SHROOM4: variants seen among roughly 807,000 people sequenced by gnomAD.
The protein encoded by SHROOM4 is shroom family member 4.
SHROOM4 carries 17 observed loss-of-function variants against 80.3 expected under a neutral mutation model. That is an observed-to-expected ratio of 0.21 (90% CI 0.14 to 0.32). The LOEUF (loss-of-function observed/expected upper bound fraction) is 0.32. Among genes scored for constraint, SHROOM4 ranks in the 10% least tolerant of loss-of-function variants. The pLI is 1.00. For synonymous variants in SHROOM4, 400 were observed against 437.5 expected, an observed-to-expected ratio of 0.91 and a Z score of 1.07; for missense variants, 993 against 1,140.3, an observed-to-expected ratio of 0.87 and a Z score of 1.86.
chrX:50,631,995 G>A (rs1931090949), intron 4 of SHROOM4, among the ~76,000 whole-genome samples: 1 of 111,870 alleles, frequency 8.9e-6, no homozygotes, highest in Non-Finnish European at 1.9e-5. Context: ...TACTTCCAGT[G>A]AAATGCACAA....
At chrX:50,716,564 A>T (rs1440531672) in intron 1 of SHROOM4, among the ~76,000 whole-genome samples, 1 of 111,719 alleles carries the variant, frequency 9.0e-6, no homozygotes, top group African/African-American at 3.3e-5. Context: ...ATTTCACATG[A>T]CCCCTACCAG....
At chrX:50,760,563 C>A (rs1557268794) in intron 1 of SHROOM4, among the ~76,000 whole-genome samples, 1 of 110,639 alleles carries the variant, frequency 9.0e-6, no homozygotes, top group Admixed American at 9.7e-5. Context: ...GTCTTGAACT[C>A]CTGGCCTCAA....
At chrX:50,813,853 T>G (rs1557273722) in intron 1 of SHROOM4, 49 bp downstream of exon 1, 1 of 998,363 alleles carries the variant, frequency 1.0e-6, no homozygotes. Flanking sequence ...CGCACCCGCT[T>G]GTCCATTCAA....
intron 6 of SHROOM4, among the ~76,000 whole-genome samples, chrX:50,606,235 C>G (rs1929665165): frequency 9.8e-6 from 1 of 101,635 alleles, no homozygotes; most frequent in African/African-American, 3.8e-5. Context: ...TCCCCCCTCC[C>G]CCCCTCATGA....
intron 4 of SHROOM4, among the ~76,000 whole-genome samples, chrX:50,632,809 G>A (rs1383801024): frequency 1.8e-5 from 2 of 112,001 alleles, no homozygotes; most frequent in Non-Finnish European, 3.8e-5. Context: ...ATGAGGTAGT[G>A]AGACTCTTCT....
chrX:50,732,929 T>A (rs1460405022), intron 1 of SHROOM4, among the ~76,000 whole-genome samples: 1 of 112,275 alleles, frequency 8.9e-6, no homozygotes, highest in African/African-American at 3.2e-5. Context: ...ATGAGGCCAA[T>A]ATTACCCTGA....
intron 2 of SHROOM4, among the ~76,000 whole-genome samples, chrX:50,670,871 C>CT (rs1162733918): frequency 2.7e-5 from 3 of 112,185 alleles, no homozygotes; most frequent in Non-Finnish European, 5.6e-5. Flanking sequence ...TGATGGTGAG[C>CT]TTTTCTTCAT....
At chrX:50,756,404 T>C (rs1349139033) in intron 1 of SHROOM4, among the ~76,000 whole-genome samples, 1 of 112,390 alleles carries the variant, frequency 8.9e-6, no homozygotes, top group Non-Finnish European at 1.9e-5. Flanking sequence ...TGAGGATGTT[T>C]GGGGTGTTTC....
chrX:50,781,408 T>C (rs1318349532), intron 1 of SHROOM4, among the ~76,000 whole-genome samples: 1 of 110,827 alleles, frequency 9.0e-6, no homozygotes, highest in Admixed American at 9.6e-5. Flanking sequence ...GCTGAAAGGG[T>C]CCACAGGACA....
At chrX:50,755,016 T>C (rs1935009052) in intron 1 of SHROOM4, among the ~76,000 whole-genome samples, 2 of 112,413 alleles carry the variant, frequency 1.8e-5, no homozygotes, top group African/African-American at 6.5e-5. Context: ...CACAGGATTA[T>C]GGGAATGAAT....
intron 1 of SHROOM4, among the ~76,000 whole-genome samples, chrX:50,741,576 A>G: frequency 9.0e-6 from 1 of 111,327 alleles, no homozygotes; most frequent in Non-Finnish European, 1.9e-5. Flanking sequence ...AAAAATATTA[A>G]TTTAAAAATA....
intron 1 of SHROOM4, among the ~76,000 whole-genome samples, chrX:50,728,310 G>A (rs1379359413): frequency 2.7e-5 from 3 of 110,915 alleles, no homozygotes; most frequent in African/African-American, 9.9e-5. Flanking sequence ...AGTGAGCCGA[G>A]ATTGCACCAC....
chrX:50,587,130 C>T lies in SHROOM4; in HGVS notation c.*9565G>A, dbSNP rs182482185. ...TTTTTAGCTTCCACATATGAGATTA[C>T]GCAGTATTTTTCTTTCTGTGTCTGG... On this transcript the variant is annotated 3_prime_UTR_variant, in exon 9 of 9. Transcript: ENST00000376020. Among the ~76,000 whole-genome samples, 2 of 111,840 alleles carry T rather than the reference C, an allele frequency of 1.8e-5. No homozygotes were observed. Among genetic ancestry groups the T allele is most frequent in the African/African-American group, 3.2e-5 (1 of 30,848 alleles).
intron 1 of SHROOM4, among the ~76,000 whole-genome samples, chrX:50,760,734 T>C (rs187590709): frequency 8.9e-6 from 1 of 112,031 alleles, no homozygotes; most frequent in Non-Finnish European, 1.9e-5. Flanking sequence ...TCTTTCTCTG[T>C]TATTTTAGTT....
At chrX:50,713,345 T>C (rs1420299204) in intron 1 of SHROOM4, among the ~76,000 whole-genome samples, 1 of 111,535 alleles carries the variant, frequency 9.0e-6, no homozygotes, top group African/African-American at 3.3e-5. Context: ...AGCCCAAAGA[T>C]TCGGGGCAGG....
intron 1 of SHROOM4, among the ~76,000 whole-genome samples, chrX:50,777,694 GA>G (rs1377336097): frequency 1.8e-5 from 2 of 111,556 alleles, no homozygotes; most frequent in African/African-American, 6.5e-5. Flanking sequence ...CTCTGTTAAT[GA>G]AAAAAAGTCA....
Position 50,588,361 on chromosome X carries a change from T to A in SHROOM4, c.*8334A>T, listed in dbSNP as rs1376994154. ...TCATTTGATTCCTACTTTAGCTTTA[T>A]AATAAAAGTTAACATTCATTGGGTA... On this transcript the variant is annotated 3_prime_UTR_variant, in exon 9 of 9. Transcript: ENST00000376020. Among the ~76,000 whole-genome samples the A allele has an allele frequency of 8.9e-6, 1 of 112,254 alleles. No homozygotes were observed. Among genetic ancestry groups the A allele is most frequent in the Non-Finnish European group, 1.9e-5 (1 of 53,256 alleles).
intron 1 of SHROOM4, among the ~76,000 whole-genome samples, chrX:50,803,183 C>T (rs1036025823): frequency 8.1e-5 from 9 of 111,295 alleles, no homozygotes; most frequent in African/African-American, 1.6e-4. Context: ...AGAGAGACTC[C>T]GTCTCAAAAA....
chrX:50,579,685 G>T, the SHROOM4 span, among the ~76,000 whole-genome samples: 1 of 111,412 alleles, frequency 9.0e-6, no homozygotes. Flanking sequence ...CGGGAAAACT[G>T]TGGAAAGGTT....
Sources: allele counts gnomAD v4.1 joint callset (sites outside exome capture counted in the v4.1 genomes callset), GRCh38; gene constraint gnomAD v4.1.1; transcripts MANE v1.5; gene names NCBI Gene and HGNC (gene_info 2026-07-23, HGNC 2026-07-21).